The following COLEC11 variants were observed in gnomAD, a reference collection of about 807,000 sequenced individuals.
COLEC11 encodes collectin subfamily member 11, also known as collectin-11.
COLEC11 carries 20 observed loss-of-function variants against 27.3 expected under a neutral mutation model. That is an observed-to-expected ratio of 0.73 (90% CI 0.51 to 1.06). The LOEUF is 1.06. Ranked by LOEUF, COLEC11 falls within the 50% of genes least tolerant of loss-of-function variation. The pLI, the probability that COLEC11 is intolerant of heterozygous loss-of-function variation, is 0.00. For synonymous variants in COLEC11, 163 were observed against 154.7 expected, an observed-to-expected ratio of 1.05 and a Z score of -0.40; for missense variants, 310 against 383.0, an observed-to-expected ratio of 0.81 and a Z score of 1.59.
At chr2:3,607,437 AT>A (rs1160901798) in intron 2 of COLEC11, among the ~76,000 whole-genome samples, 21 of 103,356 alleles carry the variant, frequency 2.0e-4, no homozygotes, top group East Asian at 6.2e-4. Context: ...TATCAAATGA[AT>A]TTTTTTTTTG....
At chr2:3,601,606 C>T (rs1662224377) in intron 1 of COLEC11, among the ~76,000 whole-genome samples, 1 of 152,080 alleles carries the variant, frequency 6.6e-6, no homozygotes, top group Non-Finnish European at 1.5e-5. Flanking sequence ...TTTATAGTAC[C>T]TTTTTTCCCC....
At position 3,613,308 on chromosome 2, in the gene COLEC11, C is replaced by T. The variant is rs762314098; in HGVS notation, c.131-3C>T. The T allele has an allele frequency of 1.9e-6, 3 of 1,608,942 alleles. No individual in the cohort carries two copies. Among genetic ancestry groups the T allele is most frequent in the Non-Finnish European group, 2.5e-6 (3 of 1,177,926 alleles). On this transcript the variant is annotated splice_region_variant and splice_polypyrimidine_tract_variant and intron_variant, in intron 2 of 6. Transcript: ENST00000349077. The stretch of plus-strand genomic sequence containing the variant: ...TGCTAAATGGATGTGACTTCTTCCA[C>T]AGGGGATGCGGGAGAGAAGGGAGAC...
At chr2:3,629,751 C>T (rs1035340082) in intron 3 of COLEC11, among the ~76,000 whole-genome samples, 2 of 152,100 alleles carry the variant, frequency 1.3e-5, no homozygotes, top group East Asian at 1.9e-4. Context: ...TTTGAGATAA[C>T]AAAGCCAGGC....
intron 1 of COLEC11, 146 bp from the exon 2 acceptor site, chr2:3,604,165 TTGAG>T: frequency 2.5e-6 from 2 of 791,796 alleles, no homozygotes; most frequent in Non-Finnish European, 2.1e-6. Context: ...TGATTGGTGC[TTGAG>T]TGAGTGAGGA....
chr2:3,640,062 A>G (rs1046675517), intron 4 of COLEC11, among the ~76,000 whole-genome samples: 6 of 152,236 alleles, frequency 3.9e-5, no homozygotes, highest in African/African-American at 1.4e-4. Context: ...TGATCACTCG[A>G]TAATCCCTGT....
chr2:3,623,657 T>A (rs923527857), intron 3 of COLEC11, among the ~76,000 whole-genome samples: 8 of 151,950 alleles, frequency 5.3e-5, no homozygotes, highest in African/African-American at 1.2e-4. Context: ...GTTCTTTTTT[T>A]AAAAAAAAAT....
rs1665703481 is a variant in COLEC11 at position 3,639,731 on chromosome 2, A to G, written c.275-547A>G. Among the ~76,000 whole-genome samples, 4 of 151,096 alleles carry G rather than the reference A, an allele frequency of 2.6e-5. No individual in the cohort carries two copies. In the South Asian group the frequency reaches 8.3e-4, roughly 31 times the overall value. On this transcript the variant is annotated intron_variant, in intron 4 of 6. Coordinates refer to ENST00000349077, the MANE Select transcript of COLEC11 (RefSeq NM_024027.5). ...GTGGTGAGGTGGCTTGTCCCATCTA[A>G]CTGGAGGTTGGGTCCAGGCCAGGAT...
At chr2:3,611,095 C>T (rs1378198835) in intron 2 of COLEC11, among the ~76,000 whole-genome samples, 1 of 152,258 alleles carries the variant, frequency 6.6e-6, no homozygotes, top group Admixed American at 6.5e-5. Flanking sequence ...GCTACTAAAT[C>T]TTCGCAGCCA....
At chr2:3,626,517 TGCCTGGTG>T (rs1345840449) in intron 3 of COLEC11, among the ~76,000 whole-genome samples, 1 of 152,234 alleles carries the variant, frequency 6.6e-6, no homozygotes, top group South Asian at 2.1e-4. Context: ...AGTTGCCTGG[TGCCTGGTG>T]GCCTGGTGGT....
chr2:3,614,445 A>C (rs1663498453), intron 3 of COLEC11, among the ~76,000 whole-genome samples: 1 of 152,164 alleles, frequency 6.6e-6, no homozygotes, highest in Non-Finnish European at 1.5e-5. Flanking sequence ...GGTATAATTT[A>C]TGGTCATTCT....
intron 3 of COLEC11, among the ~76,000 whole-genome samples, chr2:3,616,772 G>T (rs534804648): frequency 2.0e-5 from 3 of 150,146 alleles, no homozygotes; most frequent in African/African-American, 7.6e-5. Context: ...GAGGGAGACC[G>T]TGGGGAGAGG....
rs1377273681 is a variant in COLEC11, at chr2:3,602,534, A to G, written c.-26-1781A>G. ...TACCTCTGTCATCACCTCCACCCAC[A>G]CGTGGGGTCCAGCTGCCATCCTCGC... On this transcript the variant is annotated intron_variant, in intron 1 of 6. Coordinates refer to ENST00000349077, the MANE Select transcript of COLEC11 (RefSeq NM_024027.5). This position sits in a 1 kb window ranked among gnomAD's most constrained non-coding sequence, Gnocchi z 6.2. Among the ~76,000 whole-genome samples the G allele has an allele frequency of 2.0e-5, 3 of 151,972 alleles. No homozygotes were observed. The highest frequency in any genetic ancestry group is 4.4e-5 in the Non-Finnish European group (3 of 67,972).
In COLEC11 at chr2:3,615,898, G is replaced by T. The variant is rs554170234; in HGVS notation, c.202+2516G>T. ...GGACGCGGCGGCTGGCCGGGCGGGGGCTGCCCCCCACCTCCCTCCCGGACG... is the reference window on the plus strand; with the variant it reads ...GGACGCGGCGGCTGGCCGGGCGGGGTCTGCCCCCCACCTCCCTCCCGGACG... On this transcript the variant is annotated intron_variant, in intron 3 of 6. Coordinates refer to ENST00000349077, the MANE Select transcript of COLEC11 (RefSeq NM_024027.5). Among the ~76,000 whole-genome samples, 683 of 129,470 alleles carry T rather than the reference G, an allele frequency of 5.3e-3. 10 individuals are homozygous for T. The highest frequency in any genetic ancestry group is 0.018 in the African/African-American group (652 of 35,724). 84.9% of individuals were successfully genotyped at this position (129,470 alleles called of 152,430 possible).
At chr2:3,619,782 C>T (rs763758531) in intron 3 of COLEC11, among the ~76,000 whole-genome samples, 8 of 152,092 alleles carry the variant, frequency 5.3e-5, no homozygotes, top group Non-Finnish European at 8.8e-5. Context: ...CGCACCACCA[C>T]GCTCAGCAAA....
rs1666056306 is a variant in COLEC11, at chr2:3,643,720, C to T, written c.425-7C>T. ...TGCTCACTTTTCAACCCTGCCTTAC[C>T]CCACAGCTGTCGCCGGTGTGCGCGA... On this transcript the variant is annotated splice_region_variant and splice_polypyrimidine_tract_variant and intron_variant, in intron 6 of 6. Coordinates refer to ENST00000349077, the MANE Select transcript of COLEC11 (RefSeq NM_024027.5). 1.9e-6 allele frequency: 3 copies of T among 1,613,612 alleles called. No homozygotes were observed. Among genetic ancestry groups the T allele is most frequent in the Non-Finnish European group, 2.5e-6 (3 of 1,179,942 alleles).
chr2:3,602,344 C>T lies in COLEC11; in HGVS notation c.-26-1971C>T, dbSNP rs1022939179. Among the ~76,000 whole-genome samples the T allele has an allele frequency of 1.1e-4, 16 of 152,224 alleles. No individual in the cohort carries two copies. The highest frequency in any genetic ancestry group is 6.2e-4 in the South Asian group (3 of 4,816). On this transcript the variant is annotated intron_variant, in intron 1 of 6. Coordinates refer to ENST00000349077, the MANE Select transcript of COLEC11 (RefSeq NM_024027.5). This position sits in a 1 kb window ranked among gnomAD's most constrained non-coding sequence, Gnocchi z 6.2. ...TGTCTCAGACTCGGAAAGTTGAACCCGAGCCCCTGACTTCACTTCACCTCC... is the reference window on the plus strand; with the variant it reads ...TGTCTCAGACTCGGAAAGTTGAACCTGAGCCCCTGACTTCACTTCACCTCC...
intron 1 of COLEC11, chr2:3,603,877 G>C: frequency 1.7e-6 from 1 of 597,570 alleles, no homozygotes; most frequent in Non-Finnish European, 3.0e-6. Context: ...CGCTAAGCTT[G>C]GGGCTCCTCA....
At chr2:3,633,027 C>T (rs1386955528) in intron 3 of COLEC11, among the ~76,000 whole-genome samples, 1 of 152,178 alleles carries the variant, frequency 6.6e-6, no homozygotes, top group African/African-American at 2.4e-5. Flanking sequence ...TTCCTCCCCA[C>T]CTGGGAGCTG....
intron 5 of COLEC11, among the ~76,000 whole-genome samples, chr2:3,643,113 T>C (rs1272854729): frequency 2.0e-5 from 3 of 152,234 alleles, no homozygotes; most frequent in Admixed American, 2.0e-4. Context: ...TCAGATGTTC[T>C]AGCTTTTCTC....
Sources: allele counts gnomAD v4.1 joint callset (sites outside exome capture counted in the v4.1 genomes callset), GRCh38; gene constraint gnomAD v4.1.1; non-coding constraint Gnocchi (gnomAD v3.1); transcripts MANE v1.5; gene names NCBI Gene and HGNC (gene_info 2026-07-23, HGNC 2026-07-21).